ASAP2: variants seen among roughly 807,000 people sequenced by gnomAD.
ASAP2 encodes the protein ArfGAP with SH3 domain, ankyrin repeat and PH domain 2, also known as arf-GAP with SH3 domain, ANK repeat and PH domain-containing protein 2.
A neutral mutation model predicts 131.4 loss-of-function variants in ASAP2; 45 were observed. That is an observed-to-expected ratio of 0.34 (90% CI 0.27 to 0.44). The LOEUF (loss-of-function observed/expected upper bound fraction) is 0.44. Ranked by LOEUF, ASAP2 falls within the 20% of genes least tolerant of loss-of-function variation. ASAP2 has a pLI of 1.00. For synonymous variants in ASAP2, 510 were observed against 503.0 expected (o/e 1.01, Z -0.19); for missense variants, 1,011 against 1,297.0 (o/e 0.78, Z 3.39).
chr2:9,346,145 T>C (rs1387531880), intron 11 of ASAP2, among the ~76,000 whole-genome samples: 1 of 152,122 alleles, frequency 6.6e-6, no homozygotes, highest in Non-Finnish European at 1.5e-5. Flanking sequence ...TGGGACATTA[T>C]GGGCAGGTGC....
chr2:9,371,756 AGCCCC>A (rs1673984101), intron 16 of ASAP2, among the ~76,000 whole-genome samples: 1 of 152,004 alleles, frequency 6.6e-6, no homozygotes, highest in Non-Finnish European at 1.5e-5. Context: ...GTGTAAGGAG[AGCCCC>A]TCCTCTGAAC....
intron 12 of ASAP2, among the ~76,000 whole-genome samples, 165 bp from the exon 13 acceptor site, chr2:9,355,882 G>A (rs1327423376): frequency 6.6e-6 from 1 of 152,170 alleles, no homozygotes; most frequent in Non-Finnish European, 1.5e-5. Context: ...CGTTGGTGAA[G>A]GCAGACATTT....
rs780964858 is a variant in ASAP2 at position 9,388,309 on chromosome 2, C to T, written c.2146C>T (p.Arg716Trp). ...DEKLQPSPNR[R>W]EDRPISFYQL... ...TCTCCTGCAGCCCAGTCCCAACCGG[C>T]GGGAAGACCGGCCCATCAGCTTCTA... The change falls in exon 22 of 28, where the codon CGG becomes TGG. Residue 716 changes from arginine (R) to tryptophan (W), a missense_variant. Coordinates refer to ENST00000281419, the MANE Select transcript of ASAP2 (RefSeq NM_003887.3). The T allele has an allele frequency of 6.2e-6, 10 of 1,614,032 alleles. No individual in the cohort carries two copies. Among genetic ancestry groups the T allele is most frequent in the Admixed American group, 1.7e-5 (1 of 60,008 alleles).
At chr2:9,370,016 C>G (rs139828035) in intron 16 of ASAP2, among the ~76,000 whole-genome samples, 217 of 152,140 alleles carry the variant, frequency 1.4e-3, no homozygotes, top group African/African-American at 5.0e-3. Context: ...TTTTTTGTAT[C>G]TTTAGTAGAG....
chr2:9,269,914 G>A (rs183759065), intron 1 of ASAP2, among the ~76,000 whole-genome samples: 153 of 152,210 alleles, frequency 1.0e-3, no homozygotes, highest in African/African-American at 3.5e-3. Flanking sequence ...CACTGTCCCC[G>A]TCCCCTGTCC....
At chr2:9,347,875 C>G (rs10929575) in intron 11 of ASAP2, among the ~76,000 whole-genome samples, 136,954 of 152,188 alleles carry the variant, frequency 0.9, 63,076 homozygotes, top group Non-Finnish European at 1. Context: ...GAAGAAAACA[C>G]CTTCCTTCTA....
intron 1 of ASAP2, among the ~76,000 whole-genome samples, chr2:9,242,104 G>A (rs1387255500): frequency 2.0e-5 from 3 of 152,180 alleles, no homozygotes; most frequent in Admixed American, 6.5e-5. Flanking sequence ...CGTTGTGTTT[G>A]CTATCTTGGA....
At chr2:9,264,341 T>G (rs558192923) in intron 1 of ASAP2, among the ~76,000 whole-genome samples, 4 of 152,156 alleles carry the variant, frequency 2.6e-5, no homozygotes, top group Non-Finnish European at 5.9e-5. Flanking sequence ...TTCCAGAGAC[T>G]GGGGGGGCCC....
chr2:9,321,971 C>G (rs1670174520), intron 5 of ASAP2, among the ~76,000 whole-genome samples: 1 of 152,266 alleles, frequency 6.6e-6, no homozygotes, highest in Non-Finnish European at 1.5e-5. Context: ...TTTTAGATGT[C>G]TTTAAAATTC....
At chr2:9,400,431 C>T (rs1676563882) in intron 25 of ASAP2, among the ~76,000 whole-genome samples, 1 of 130,602 alleles carries the variant, frequency 7.7e-6, no homozygotes, top group African/African-American at 3.1e-5. Context: ...TCCTCCCTGC[C>T]TTCCTCCTCC....
intron 3 of ASAP2, among the ~76,000 whole-genome samples, chr2:9,300,286 G>T (rs998673517): frequency 1.3e-5 from 2 of 152,244 alleles, no homozygotes; most frequent in Non-Finnish European, 1.5e-5. Context: ...CAGAGTCCTT[G>T]CCTAGGCAGG....
At chr2:9,231,313 A>G (rs1663145712) in intron 1 of ASAP2, among the ~76,000 whole-genome samples, 1 of 152,106 alleles carries the variant, frequency 6.6e-6, no homozygotes, top group African/African-American at 2.4e-5. Context: ...TCCTCTCCCC[A>G]GCCAAGCTTG....
chr2:9,331,240 C>A (rs1670820487), intron 7 of ASAP2, among the ~76,000 whole-genome samples: 1 of 152,244 alleles, frequency 6.6e-6, no homozygotes, highest in South Asian at 2.1e-4. Context: ...TGGCTGTTGA[C>A]CCTTGGAACT....
At chr2:9,317,197 TCA>T (rs1669767654) in intron 3 of ASAP2, among the ~76,000 whole-genome samples, 1 of 127,840 alleles carries the variant, frequency 7.8e-6, no homozygotes, top group Non-Finnish European at 1.7e-5. Flanking sequence ...CCCCACGCAA[TCA>T]CACCCACTCA....
At chr2:9,317,691 C>T (rs1260452738) in intron 3 of ASAP2, among the ~76,000 whole-genome samples, 6 of 151,164 alleles carry the variant, frequency 4.0e-5, no homozygotes, top group African/African-American at 1.5e-4. Flanking sequence ...CATCCTGAAA[C>T]CCTCACACGC....
intron 24 of ASAP2, among the ~76,000 whole-genome samples, chr2:9,393,877 T>C (rs1227626131): frequency 6.6e-6 from 1 of 152,208 alleles, no homozygotes; most frequent in African/African-American, 2.4e-5. Flanking sequence ...AGACAAAGTG[T>C]CCTCAACACA....
intron 5 of ASAP2, among the ~76,000 whole-genome samples, chr2:9,320,899 C>A (rs1006344754): frequency 6.6e-6 from 1 of 152,158 alleles, no homozygotes; most frequent in Non-Finnish European, 1.5e-5. Context: ...TTTCCTGACC[C>A]GAAGTCAACC....
chr2:9,222,067 C>T (rs764193335), intron 1 of ASAP2, among the ~76,000 whole-genome samples: 48 of 152,110 alleles, frequency 3.2e-4, no homozygotes, highest in African/African-American at 1.1e-3. Flanking sequence ...GGATTAGAGG[C>T]GTGAGCCACC....
chr2:9,235,479 A>G (rs182964759), intron 1 of ASAP2, among the ~76,000 whole-genome samples: 77 of 152,220 alleles, frequency 5.1e-4, no homozygotes, highest in Non-Finnish European at 1.0e-3. Context: ...CAGAGGCCGG[A>G]TGTGTAAATC....
Sources: allele counts gnomAD v4.1 joint callset (sites outside exome capture counted in the v4.1 genomes callset), GRCh38; gene constraint gnomAD v4.1.1; transcripts MANE v1.5; gene names NCBI Gene and HGNC (gene_info 2026-07-23, HGNC 2026-07-21).